TMEM269: variants seen among roughly 807,000 people sequenced by gnomAD.
The protein encoded by TMEM269 is transmembrane protein 269.
Under a neutral mutation model 15.8 loss-of-function variants are expected in TMEM269, and 12 were observed. The ratio of observed to expected loss-of-function variants is 0.76; its 90% confidence interval spans 0.49 to 1.23. The LOEUF is 1.23. Ranked by LOEUF, TMEM269 falls within the 50% of genes most tolerant of loss-of-function variation. The probability of loss-of-function intolerance (pLI) is 0.00; values close to 1 mark genes in which losing one functional copy is unlikely to be tolerated. For missense variants in TMEM269, 211 were observed against 245.4 expected (o/e 0.86, Z 0.94); for synonymous variants, 93 against 99.3 (o/e 0.94, Z 0.38).
intron 4 of TMEM269, 76 bp downstream of exon 4, chr1:42,793,820 T>C (rs1653746116): frequency 6.8e-7 from 1 of 1,470,470 alleles, no homozygotes; most frequent in Non-Finnish European, 9.1e-7. Flanking sequence ...GCCAGAAGCC[T>C]GGGGTGCAGT....
intron 3 of TMEM269, among the ~76,000 whole-genome samples, 165 bp downstream of exon 3, chr1:42,793,067 A>G (rs1443513116): frequency 6.6e-6 from 1 of 152,136 alleles, no homozygotes; most frequent in Non-Finnish European, 1.5e-5. Context: ...GGAGTTCAGG[A>G]GCCCCGCGGT....
intron 5 of TMEM269, chr1:42,796,907 C>T (rs1557593768): frequency 6.6e-6 from 1 of 151,966 alleles, no homozygotes; most frequent in Non-Finnish European, 1.5e-5. Context: ...ATACCATTGG[C>T]TCATACTCTC....
chr1:42,792,940 GTAGC>G, intron 3 of TMEM269, 38 bp downstream of exon 3: 1 of 1,484,244 alleles, frequency 6.7e-7, no homozygotes, highest in Non-Finnish European at 9.2e-7. Flanking sequence ...CTTGCCCCCA[GTAGC>G]ATCCATCTGG....
At chr1:42,794,742 A>ATATT in intron 5 of TMEM269, 129 bp downstream of exon 5, 2 of 695,014 alleles carry the variant, frequency 2.9e-6, no homozygotes, top group Non-Finnish European at 4.9e-6. Flanking sequence ...ATCATCTGAC[A>ATATT]TATTTACTAG....
At chr1:42,789,449 A>T (rs1347889015) in intron 1 of TMEM269, 1 of 1,535,504 alleles carries the variant, frequency 6.5e-7, no homozygotes, top group Admixed American at 2.0e-5. Context: ...GAAGGGCCCC[A>T]TACCCCCTGC....
rs562089459 is a variant in TMEM269 at position 42,788,093 on chromosome 1, G to C, written c.-98-1703G>C. The C allele has an allele frequency of 4.6e-5, 7 of 152,482 alleles. No homozygotes were observed. Among genetic ancestry groups the C allele is most frequent in the Admixed American group, 1.3e-4 (2 of 15,310 alleles). 9.4% of individuals were successfully genotyped at this position (152,482 alleles called of 1,614,324 possible). On this transcript the variant is annotated intron_variant, in intron 1 of 5. Transcript: ENST00000637012. This position sits in a 1 kb window ranked among gnomAD's most constrained non-coding sequence, Gnocchi z 4.0. ...AGTGAGGCTGGCCCATGGAGGCAGT[G>C]AGCCCAGCAGTGCTGCCCTGATAAA...
chr1:42,798,273 T>C lies in TMEM269; in HGVS notation c.*48T>C. ...CTCCTGCCGGCCTCTGTGGGGTTTGTGTCAGCATATTGGGTCAAGCCTGCA... is the reference window on the plus strand; with the variant it reads ...CTCCTGCCGGCCTCTGTGGGGTTTGCGTCAGCATATTGGGTCAAGCCTGCA... On this transcript the variant is annotated 3_prime_UTR_variant, in exon 6 of 6. Coordinates refer to ENST00000637012, the MANE Select transcript of TMEM269 (RefSeq NM_001354602.2). 1 of 1,538,538 alleles carries C rather than the reference T, an allele frequency of 6.5e-7. No individual in the cohort carries two copies. Among genetic ancestry groups the C allele is most frequent in the Non-Finnish European group, 8.7e-7 (1 of 1,146,638 alleles).
At position 42,789,950 on chromosome 1, in the gene TMEM269, A is replaced by G; in HGVS notation, c.41+16A>G. On this transcript the variant is annotated intron_variant, in intron 2 of 5. Coordinates refer to ENST00000637012, the MANE Select transcript of TMEM269 (RefSeq NM_001354602.2). ...GCTTCAGCAGGTAGGTCTGGGGCCC[A>G]GCAAGCTCTTAGCCAAGAGCTGGAG... is the stretch of plus-strand genomic sequence containing the variant. The G allele has an allele frequency of 6.5e-7, 1 of 1,540,364 alleles. No homozygotes were observed. The highest frequency in any genetic ancestry group is 8.8e-7 in the Non-Finnish European group (1 of 1,137,830).
At chr1:42,787,892 AGAC>A (rs1653574533) in intron 1 of TMEM269, 1 of 152,300 alleles carries the variant, frequency 6.6e-6, no homozygotes, top group Non-Finnish European at 1.5e-5. Flanking sequence ...GACCCAGGAG[AGAC>A]CACTACAGCG....
chr1:42,786,536 G>T (rs555057437), intron 1 of TMEM269, among the ~76,000 whole-genome samples: 5 of 152,332 alleles, frequency 3.3e-5, no homozygotes, highest in South Asian at 2.1e-4. Context: ...CATACCAAAC[G>T]CAGGAGTTGG....
chr1:42,798,239 C>T lies in TMEM269; in HGVS notation c.*14C>T. The T allele has an allele frequency of 1.3e-6, 2 of 1,543,564 alleles. No individual in the cohort carries two copies. The highest frequency in any genetic ancestry group is 2.4e-5 in the East Asian group (1 of 40,928). ...CCACAGCACTGAGGAAGCTAAGCAG[C>T]TCTACCAGCTCCTGCCGGCCTCTGT... On this transcript the variant is annotated 3_prime_UTR_variant, in exon 6 of 6. Coordinates refer to ENST00000637012, the MANE Select transcript of TMEM269 (RefSeq NM_001354602.2).
At position 42,794,461 on chromosome 1, in the gene TMEM269, T is replaced by C. The variant is rs1266496647; in HGVS notation, c.332T>C (p.Ile111Thr). The change falls in exon 5 of 6, where the codon ATC becomes ACC. Residue 111 changes from isoleucine to threonine, a missense_variant. Ile to Thr is a moderately conservative substitution (Grantham distance 89, BLOSUM62 -1). Transcript: ENST00000637012. ...KGLPCPYASC[I>T]LASTSLLTKG... ...CTACCCTGCCCCTATGCTTCCTGCA[T>C]CTTGGCTTCCACCTCCCTTCTGACC... 1.3e-6 allele frequency: 2 copies of C among 1,550,648 alleles called. No homozygotes were observed. The highest frequency in any genetic ancestry group is 2.7e-5 in the African/African-American group (2 of 73,162).
intron 1 of TMEM269, among the ~76,000 whole-genome samples, chr1:42,786,571 A>T (rs191476449): frequency 6.6e-6 from 1 of 152,332 alleles, no homozygotes; most frequent in East Asian, 1.9e-4. Flanking sequence ...GCATTCAAGA[A>T]GCTGGGGAGT....
intron 1 of TMEM269, among the ~76,000 whole-genome samples, chr1:42,786,103 G>A (rs1653538525): frequency 6.6e-6 from 1 of 152,224 alleles, no homozygotes; most frequent in African/African-American, 2.4e-5. Context: ...GGAAGGGGCT[G>A]GACTGTTGAG....
At position 42,798,159 on chromosome 1, in the gene TMEM269, G is replaced by A. The variant is rs1455433266; in HGVS notation, c.546G>A (p.Ser182=). ...SLSAFYCLMW[S]LSYIFFPDAL... ...CTGCTTTTTACTGCCTGATGTGGTC[G>A]CTCTCGTACATCTTCTTTCCAGATG... The change falls in exon 6 of 6, where the codon TCG becomes TCA. Residue 182 remains serine (S), a synonymous_variant. Coordinates refer to ENST00000637012, the MANE Select transcript of TMEM269 (RefSeq NM_001354602.2). 9 of 1,550,256 alleles carry A rather than the reference G, an allele frequency of 5.8e-6. No individual in the cohort carries two copies. The East Asian group carries it at 9.8e-5, about 17-fold the overall frequency.
Position 42,799,799 on chromosome 1 carries a change from A to G in TMEM269, c.*1574A>G, listed in dbSNP as rs371039141. 2.0e-5 allele frequency: 3 copies of G among 152,340 alleles called. No individual in the cohort carries two copies. The highest frequency in any genetic ancestry group is 6.5e-5 in the Admixed American group (1 of 15,302). The allele number at this position is 152,340 out of a possible 1,614,324, so 9.4% of individuals were successfully genotyped here. Reference sequence around the variant, plus strand: ...ATGTGATGCTCCCCTTAATCAAAGCATTTTAGGAACTCCAATCTGAAAATG... The same window carrying G: ...ATGTGATGCTCCCCTTAATCAAAGCGTTTTAGGAACTCCAATCTGAAAATG... On this transcript the variant is annotated 3_prime_UTR_variant, in exon 6 of 6. Coordinates refer to ENST00000637012, the MANE Select transcript of TMEM269 (RefSeq NM_001354602.2).
At position 42,789,548 on chromosome 1, in the gene TMEM269, G is replaced by A. The variant is rs1653642702; in HGVS notation, c.-98-248G>A. 6 of 1,494,474 alleles carry A rather than the reference G, an allele frequency of 4.0e-6. No homozygotes were observed. In the East Asian group the frequency reaches 1.2e-4, roughly 31 times the overall value. 92.6% of individuals were successfully genotyped at this position (1,494,474 alleles called of 1,614,324 possible). A position where few individuals can be genotyped will look rare whatever the true frequency, so the allele number is the denominator to read the frequency against. ...GCAAAGGTGCAGTCAGAGAGGGAGT[G>A]GAAACTATGCTTGTGTTGGTTCACC... On this transcript the variant is annotated intron_variant, in intron 1 of 5. Coordinates refer to ENST00000637012, the MANE Select transcript of TMEM269 (RefSeq NM_001354602.2).
At chr1:42,787,973 A>T (rs937018992) in intron 1 of TMEM269, 2 of 152,408 alleles carry the variant, frequency 1.3e-5, no homozygotes, top group African/African-American at 4.8e-5. Context: ...CCTGGCTTGC[A>T]TTGCTTCTTG....
In TMEM269 at chr1:42,800,479, G is replaced by A. The variant is rs995200998; in HGVS notation, c.*2254G>A. ...TCTCAAATGCATACATGAAGCCAGT[G>A]GGGTTTAGGCAGTTCTCTTTGTCCT... On this transcript the variant is annotated 3_prime_UTR_variant, in exon 6 of 6. Coordinates refer to ENST00000637012, the MANE Select transcript of TMEM269 (RefSeq NM_001354602.2). 2.0e-5 allele frequency: 3 copies of A among 152,178 alleles called. No individual in the cohort carries two copies. The highest frequency in any genetic ancestry group is 7.2e-5 in the African/African-American group (3 of 41,438). 9.4% of individuals were successfully genotyped at this position (152,178 alleles called of 1,614,324 possible). A position where few individuals can be genotyped will look rare whatever the true frequency, so the allele number is the denominator to read the frequency against.
Sources: allele counts gnomAD v4.1 joint callset (sites outside exome capture counted in the v4.1 genomes callset), GRCh38; gene constraint gnomAD v4.1.1; non-coding constraint Gnocchi (gnomAD v3.1); transcripts MANE v1.5; gene names NCBI Gene and HGNC (gene_info 2026-07-23, HGNC 2026-07-21).